GRM8: variants seen among roughly 807,000 people sequenced by gnomAD.
GRM8 encodes the protein glutamate metabotropic receptor 8.
GRM8 carries 47 observed loss-of-function variants against 87.2 expected under a neutral mutation model. The ratio of observed to expected loss-of-function variants is 0.54; its 90% CI spans 0.43 to 0.69. The LOEUF is 0.69. Ranked by LOEUF, GRM8 falls within the 30% of genes least tolerant of loss-of-function variation. The pLI is 0.00. For missense variants in GRM8, 1,019 were observed against 1,139.2 expected, an observed-to-expected ratio of 0.89 and a Z score of 1.52; for synonymous variants, 396 against 404.5, an observed-to-expected ratio of 0.98 and a Z score of 0.25.
intron 3 of GRM8, among the ~76,000 whole-genome samples, chr7:127,020,896 C>T (rs1160503180): frequency 4.6e-5 from 7 of 151,954 alleles, no homozygotes; most frequent in Non-Finnish European, 1.0e-4. Flanking sequence ...GAAATTAAAG[C>T]TCCTTTTAAG....
In GRM8 at chr7:126,579,007, CT is replaced by C. The variant is rs3216285; in HGVS notation, c.1494+30354del. 4.1e-3 allele frequency among the ~76,000 whole-genome samples: 630 copies of C among 152,200 alleles called. 11 individuals are homozygous for C. The South Asian group carries it at 0.042, about 10-fold the overall frequency. ...TCTGTGTGCCAGTAATAGTACCAGA[CT>C]TTTTCATGGCCATTATCTTACGTAA... On this transcript the variant is annotated intron_variant, in intron 8 of 10. Coordinates refer to ENST00000339582, the MANE Select transcript of GRM8 (RefSeq NM_000845.3).
chr7:126,440,926 A>G (rs1801400060), intron 10 of GRM8, among the ~76,000 whole-genome samples: 1 of 152,122 alleles, frequency 6.6e-6, no homozygotes, highest in African/African-American at 2.4e-5. Context: ...ATAAATATTT[A>G]CTAGAAAACT....
intron 9 of GRM8, among the ~76,000 whole-genome samples, chr7:126,488,716 T>G (rs1001877661): frequency 1.3e-5 from 2 of 152,056 alleles, no homozygotes; most frequent in African/African-American, 4.8e-5. Context: ...GATTTTTCTT[T>G]GGGAATTAGA....
intron 6 of GRM8, chr7:126,868,729 T>C (rs1484483229): frequency 6.6e-6 from 1 of 152,240 alleles, no homozygotes; most frequent in Non-Finnish European, 1.5e-5. Context: ...ACAATGTGCA[T>C]ACCTGAATTT....
At chr7:127,108,287 C>T (rs1365759098) in intron 2 of GRM8, among the ~76,000 whole-genome samples, 11 of 152,058 alleles carry the variant, frequency 7.2e-5, no homozygotes, top group Admixed American at 7.2e-4. Context: ...TTTCAGAGGA[C>T]CTGGGAAGGA....
intron 7 of GRM8, among the ~76,000 whole-genome samples, chr7:126,626,001 C>T (rs939639198): frequency 4.0e-5 from 6 of 151,780 alleles, no homozygotes; most frequent in Non-Finnish European, 7.4e-5. Context: ...ACATTAAATA[C>T]TTTACATATA....
chr7:126,817,847 A>G (rs1009962122), intron 6 of GRM8, among the ~76,000 whole-genome samples: 1 of 152,206 alleles, frequency 6.6e-6, no homozygotes, highest in Non-Finnish European at 1.5e-5. Flanking sequence ...AAAATATCAT[A>G]CATTCATTCT....
At chr7:126,929,774 T>C (rs191917053) in intron 3 of GRM8, among the ~76,000 whole-genome samples, 3 of 18,006 alleles carry the variant, frequency 1.7e-4, no homozygotes, top group East Asian at 4.4e-3. Context: ...CTAGTGTCTA[T>C]CCTTTTTGAA....
At chr7:126,920,852 C>A (rs1804451618) in intron 3 of GRM8, among the ~76,000 whole-genome samples, 1 of 151,442 alleles carries the variant, frequency 6.6e-6, no homozygotes, top group South Asian at 2.1e-4. Flanking sequence ...CCACTAAACC[C>A]CATACAGAAA....
intron 2 of GRM8, among the ~76,000 whole-genome samples, chr7:127,134,283 A>C (rs2133237341): frequency 6.6e-6 from 1 of 152,356 alleles, no homozygotes. Flanking sequence ...TTCGTTAAGA[A>C]AAAATGGCAA....
intron 7 of GRM8, among the ~76,000 whole-genome samples, chr7:126,653,283 G>C (rs1009562511): frequency 7.6e-6 from 1 of 130,780 alleles, no homozygotes; most frequent in Non-Finnish European, 1.6e-5. Flanking sequence ...CTGGGTGACA[G>C]AGTGAGATCC....
chr7:126,742,492 C>A (rs1815127318), intron 7 of GRM8, among the ~76,000 whole-genome samples: 1 of 151,868 alleles, frequency 6.6e-6, no homozygotes, highest in Non-Finnish European at 1.5e-5. Flanking sequence ...ACAGCCCCCA[C>A]CCCACCACAC....
At chr7:126,665,773 T>G (rs1372147615) in intron 7 of GRM8, among the ~76,000 whole-genome samples, 2 of 151,784 alleles carry the variant, frequency 1.3e-5, no homozygotes, top group African/African-American at 4.8e-5. Context: ...AATATAATAT[T>G]AAATTATATA....
At chr7:127,232,710 T>TATC (rs1203455605) in intron 2 of GRM8, among the ~76,000 whole-genome samples, 1 of 152,194 alleles carries the variant, frequency 6.6e-6, no homozygotes, top group Non-Finnish European at 1.5e-5. Context: ...TCCTCCTCAT[T>TATC]ATCATCATCA....
At chr7:126,578,976 A>C (rs1426503526) in intron 8 of GRM8, among the ~76,000 whole-genome samples, 1 of 152,154 alleles carries the variant, frequency 6.6e-6, no homozygotes, top group African/African-American at 2.4e-5. Context: ...TTTACTGAGA[A>C]TCTACTCTGT....
chr7:127,104,793 T>C (rs1197705631), intron 3 of GRM8, among the ~76,000 whole-genome samples: 1 of 152,232 alleles, frequency 6.6e-6, no homozygotes, highest in Non-Finnish European at 1.5e-5. Context: ...GTGACAGTAT[T>C]ACCAAAGCAC....
At chr7:126,671,653 T>C (rs1216089141) in intron 7 of GRM8, among the ~76,000 whole-genome samples, 1 of 152,214 alleles carries the variant, frequency 6.6e-6, no homozygotes. Context: ...TGTAGAAATC[T>C]GGATCAATAG....
At chr7:127,200,935 C>T (rs1325775879) in intron 2 of GRM8, among the ~76,000 whole-genome samples, 1 of 152,178 alleles carries the variant, frequency 6.6e-6, no homozygotes, top group Non-Finnish European at 1.5e-5. Flanking sequence ...CTTTCCTTTA[C>T]CAAGGAATTT....
At chr7:126,578,791 G>A (rs1188147938) in intron 8 of GRM8, among the ~76,000 whole-genome samples, 1 of 151,956 alleles carries the variant, frequency 6.6e-6, no homozygotes, top group Non-Finnish European at 1.5e-5. Flanking sequence ...TCTAATTTTA[G>A]TAGTATTTTA....
Sources: allele counts gnomAD v4.1 joint callset (sites outside exome capture counted in the v4.1 genomes callset), GRCh38; gene constraint gnomAD v4.1.1; transcripts MANE v1.5; gene names NCBI Gene and HGNC (gene_info 2026-07-23, HGNC 2026-07-21).